EXOC6B: variants seen among roughly 807,000 people sequenced by gnomAD.
EXOC6B encodes exocyst complex component 6B.
A neutral mutation model predicts 113.5 loss-of-function variants in EXOC6B; 54 were observed. The ratio of observed to expected loss-of-function variants is 0.48; its 90% confidence interval spans 0.38 to 0.60. The LOEUF (loss-of-function observed/expected upper bound fraction) is 0.60. Ranked by LOEUF, EXOC6B falls within the 20% of genes least tolerant of loss-of-function variation. EXOC6B has a pLI of 0.00. For synonymous variants in EXOC6B, 357 were observed against 339.0 expected (o/e 1.05, Z -0.58); for missense variants, 797 against 977.5 (o/e 0.82, Z 2.46).
chr2:72,647,197 A>C (rs1277844657), intron 6 of EXOC6B, among the ~76,000 whole-genome samples: 1 of 152,206 alleles, frequency 6.6e-6, no homozygotes, highest in Non-Finnish European at 1.5e-5. Context: ...AGAGAATAAA[A>C]TACCTAGGAA....
intron 18 of EXOC6B, among the ~76,000 whole-genome samples, chr2:72,416,109 C>T (rs1694507569): frequency 6.6e-6 from 1 of 152,158 alleles, no homozygotes; most frequent in African/African-American, 2.4e-5. Context: ...AGAGGGATGA[C>T]AGCCATGGCA....
chr2:72,300,138 A>T (rs1327247080), intron 20 of EXOC6B, among the ~76,000 whole-genome samples: 2 of 152,102 alleles, frequency 1.3e-5, no homozygotes, highest in Non-Finnish European at 2.9e-5. Context: ...CCCTTCTCCC[A>T]GGTGCTCAGT....
At chr2:72,413,241 G>A (rs1230733369) in intron 18 of EXOC6B, among the ~76,000 whole-genome samples, 2 of 151,670 alleles carry the variant, frequency 1.3e-5, no homozygotes, top group African/African-American at 4.8e-5. Context: ...GATTACAGGC[G>A]TGAACCACTG....
intron 17 of EXOC6B, among the ~76,000 whole-genome samples, chr2:72,474,321 G>C (rs1698600944): frequency 6.6e-6 from 1 of 152,030 alleles, no homozygotes; most frequent in African/African-American, 2.4e-5. Context: ...CATTGGACTT[G>C]AGAAATTTTC....
chr2:72,415,448 T>A lies in EXOC6B; in HGVS notation c.1981-35578A>T, dbSNP rs1694463544. Among the ~76,000 whole-genome samples, 3 of 151,542 alleles carry A rather than the reference T, an allele frequency of 2.0e-5. No individual in the cohort carries two copies. In the South Asian group the frequency reaches 6.2e-4, roughly 31 times the overall value. On this transcript the variant is annotated intron_variant, in intron 18 of 21. Transcript: ENST00000272427. ...ACAGAAAACACCTATATTTGAAAAG[T>A]ACCCTGAACACTGTTAAAAATATAC...
At chr2:72,523,468 G>A (rs1391852664) in intron 8 of EXOC6B, among the ~76,000 whole-genome samples, 1 of 152,078 alleles carries the variant, frequency 6.6e-6, no homozygotes, top group African/African-American at 2.4e-5. Context: ...GAAAGGGACA[G>A]ACCTTATATT....
chr2:72,685,176 T>C (rs1243028415), intron 6 of EXOC6B, among the ~76,000 whole-genome samples: 1 of 152,114 alleles, frequency 6.6e-6, no homozygotes, highest in Non-Finnish European at 1.5e-5. Context: ...ATCTAGGTGG[T>C]AAGTAAATAT....
chr2:72,759,856 C>T (rs548972908), intron 1 of EXOC6B, among the ~76,000 whole-genome samples: 1 of 152,280 alleles, frequency 6.6e-6, no homozygotes, highest in African/African-American at 2.4e-5. Flanking sequence ...TATTCAGCCC[C>T]CTAACTGTGT....
chr2:72,339,063 C>A (rs1159099474), intron 19 of EXOC6B, among the ~76,000 whole-genome samples: 1 of 151,874 alleles, frequency 6.6e-6, no homozygotes, highest in Non-Finnish European at 1.5e-5. Context: ...GCATTATTGG[C>A]AACTAGGATT....
chr2:72,192,203 A>G (rs1678889291), intron 20 of EXOC6B, among the ~76,000 whole-genome samples: 1 of 152,156 alleles, frequency 6.6e-6, no homozygotes, highest in African/African-American at 2.4e-5. Context: ...AACAGCATAG[A>G]CTATCAAATG....
intron 8 of EXOC6B, chr2:72,515,699 A>G (rs1475877801): frequency 2.2e-5 from 22 of 988,298 alleles, no homozygotes; most frequent in Non-Finnish European, 2.6e-5. Flanking sequence ...TGGGCTTAAA[A>G]TGAGAAGTGC....
At chr2:72,335,635 C>T (rs1358919905) in intron 19 of EXOC6B, among the ~76,000 whole-genome samples, 2 of 150,182 alleles carry the variant, frequency 1.3e-5, no homozygotes, top group Non-Finnish European at 3.0e-5. Context: ...CATGACTTGG[C>T]TTTTGAGCAA....
intron 18 of EXOC6B, among the ~76,000 whole-genome samples, chr2:72,394,398 T>G (rs1187439945): frequency 2.6e-5 from 4 of 152,110 alleles, no homozygotes; most frequent in Non-Finnish European, 4.4e-5. Flanking sequence ...GGCACAATAC[T>G]CAGAGAAGGT....
At chr2:72,391,525 G>GTT (rs2105113274) in intron 18 of EXOC6B, among the ~76,000 whole-genome samples, 1 of 152,198 alleles carries the variant, frequency 6.6e-6, no homozygotes, top group African/African-American at 2.4e-5. Context: ...TTTTCTTTAA[G>GTT]TTTATCCTGT....
At chr2:72,648,128 C>T (rs999748188) in intron 6 of EXOC6B, among the ~76,000 whole-genome samples, 1 of 152,172 alleles carries the variant, frequency 6.6e-6, no homozygotes, top group Non-Finnish European at 1.5e-5. Flanking sequence ...AGGATATGAA[C>T]AGCCACTTCT....
rs571668436 is a variant in EXOC6B at position 72,760,815 on chromosome 2, G to T, written c.114-19346C>A. Reference sequence around the variant, plus strand: ...AAAAGAGAGACCACTAAAACTGCATGATTAGTTCAATACAAGGAATTAAAA... The same window carrying T: ...AAAAGAGAGACCACTAAAACTGCATTATTAGTTCAATACAAGGAATTAAAA... On this transcript the variant is annotated intron_variant, in intron 1 of 21. Coordinates refer to ENST00000272427, the MANE Select transcript of EXOC6B (RefSeq NM_015189.3). Among the ~76,000 whole-genome samples, 5 of 152,284 alleles carry T rather than the reference G, an allele frequency of 3.3e-5. No individual in the cohort carries two copies. The South Asian group carries it at 8.3e-4, about 25-fold the overall frequency.
intron 18 of EXOC6B, 30 bp from the exon 19 acceptor site, chr2:72,379,900 T>C: frequency 1.3e-6 from 2 of 1,551,584 alleles, no homozygotes; most frequent in Non-Finnish European, 1.7e-6. Flanking sequence ...ATCATAAAGT[T>C]AATGCATCTA....
At chr2:72,189,661 T>C (rs1355463688) in intron 20 of EXOC6B, among the ~76,000 whole-genome samples, 1 of 152,060 alleles carries the variant, frequency 6.6e-6, no homozygotes, top group Non-Finnish European at 1.5e-5. Context: ...AAGCAAGTAC[T>C]CTCTCTTCCC....
intron 1 of EXOC6B, among the ~76,000 whole-genome samples, chr2:72,755,979 C>T (rs1682386630): frequency 6.6e-6 from 1 of 152,168 alleles, no homozygotes; most frequent in Non-Finnish European, 1.5e-5. Flanking sequence ...ACAATGGAAA[C>T]AGACAGCTCT....
Sources: allele counts gnomAD v4.1 joint callset (sites outside exome capture counted in the v4.1 genomes callset), GRCh38; gene constraint gnomAD v4.1.1; transcripts MANE v1.5; gene names NCBI Gene and HGNC (gene_info 2026-07-23, HGNC 2026-07-21).